Variants in FBXO22 observed in about 807,000 individuals in gnomAD.
The protein encoded by FBXO22 is F-box only protein 22.
A neutral mutation model predicts 37.2 loss-of-function variants in FBXO22; 13 were observed. The observed-to-expected ratio is 0.35, with a 90% CI of 0.23 to 0.56. FBXO22 has a LOEUF of 0.56. FBXO22 is among the 20% of genes least tolerant of loss of function. The pLI is 0.87. For synonymous variants in FBXO22, 189 were observed against 189.1 expected (o/e 1.00, Z 0.00); for missense variants, 446 against 509.9 (o/e 0.87, Z 1.21).
At chr15:75,915,762 T>A (rs186335937) in intron 4 of FBXO22, among the ~76,000 whole-genome samples, 10 of 152,054 alleles carry the variant, frequency 6.6e-5, no homozygotes, top group Non-Finnish European at 1.3e-4. Flanking sequence ...TAGCCAGGCA[T>A]GATGGCGGGC....
intron 1 of FBXO22, 77 bp downstream of exon 1, chr15:75,904,180 G>GA: frequency 6.8e-7 from 1 of 1,463,548 alleles, no homozygotes; most frequent in Non-Finnish European, 9.1e-7. Flanking sequence ...GGGGTGGGGG[G>GA]AGAGACCCTT....
At position 75,909,767 on chromosome 15, in the gene FBXO22, G is replaced by C. The variant is rs546577690; in HGVS notation, c.280-3436G>C. ...GGTAGGGTACCAGCAGTTTGGATGG[G>C]GTGATACTTTTTTTTTTTTTTAAAT... On this transcript the variant is annotated intron_variant, in intron 2 of 6. Transcript: ENST00000308275. Among the ~76,000 whole-genome samples, 230 of 106,696 alleles carry C rather than the reference G, an allele frequency of 2.2e-3. 2 individuals are homozygous for C. Among genetic ancestry groups the C allele is most frequent in the Middle Eastern group, 0.018 (4 of 224 alleles). 70.0% of individuals were successfully genotyped at this position (106,696 alleles called of 152,430 possible). A position where few individuals can be genotyped will look rare whatever the true frequency, so the allele number is the denominator to read the frequency against.
chr15:75,904,761 C>A, intron 2 of FBXO22, 132 bp downstream of exon 2: 2 of 891,824 alleles, frequency 2.2e-6, no homozygotes, highest in Non-Finnish European at 3.2e-6. Context: ...TTGTAAACAT[C>A]AGTTTTAGTG....
intron 5 of FBXO22, among the ~76,000 whole-genome samples, chr15:75,921,654 A>G (rs905119782): frequency 1.3e-5 from 2 of 152,152 alleles, no homozygotes; most frequent in African/African-American, 4.8e-5. Flanking sequence ...GCGAGACTCT[A>G]TCTCAAAAAA....
intron 2 of FBXO22, among the ~76,000 whole-genome samples, chr15:75,906,714 G>T (rs981561801): frequency 8.5e-5 from 13 of 152,094 alleles, no homozygotes; most frequent in Non-Finnish European, 1.3e-4. Context: ...CCAAAGGCAG[G>T]CTTGTAGAAA....
In FBXO22 at chr15:75,912,539, T is replaced by G. The variant is rs149131227; in HGVS notation, c.280-664T>G. Among the ~76,000 whole-genome samples the G allele has an allele frequency of 4.4e-3, 674 of 152,322 alleles. 6 individuals are homozygous for G. Among genetic ancestry groups the G allele is most frequent in the African/African-American group, 0.016 (645 of 41,576 alleles). On this transcript the variant is annotated intron_variant, in intron 2 of 6. Transcript: ENST00000308275. Reference sequence around the variant, plus strand: ...AGGAATTTATCCATTTCTTCTAGATTTTCTAGTTTATTTGCATAGAGGTGT... The same window carrying G: ...AGGAATTTATCCATTTCTTCTAGATGTTCTAGTTTATTTGCATAGAGGTGT...
At chr15:75,932,357 A>G (rs2141726683) in intron 6 of FBXO22, among the ~76,000 whole-genome samples, 1 of 152,366 alleles carries the variant, frequency 6.6e-6, no homozygotes, top group South Asian at 2.1e-4. Flanking sequence ...TAATAAAATT[A>G]TAACATTCCT....
chr15:75,930,879 A>G (rs1274668839), intron 6 of FBXO22: 1 of 976,858 alleles, frequency 1.0e-6, no homozygotes, highest in Non-Finnish European at 1.2e-6. Context: ...AGTATCTATA[A>G]GAATAATGTA....
intron 6 of FBXO22, chr15:75,930,332 C>G: frequency 7.5e-7 from 1 of 1,328,504 alleles, no homozygotes; most frequent in Non-Finnish European, 9.6e-7. Flanking sequence ...AGATGTGGTA[C>G]TCTGTGTGAC....
chr15:75,903,890 C>G lies in FBXO22; in HGVS notation c.-74C>G. On this transcript the variant is annotated 5_prime_UTR_variant, in exon 1 of 7. Transcript: ENST00000308275. ...CGGACGCCTGCTCAGTGCGCGCCGGCCGGGCAACCCTATGCTGGCGTAATC... is the reference window on the plus strand; with the variant it reads ...CGGACGCCTGCTCAGTGCGCGCCGGGCGGGCAACCCTATGCTGGCGTAATC... The G allele has an allele frequency of 7.1e-7, 1 of 1,398,610 alleles. No homozygotes were observed. Among genetic ancestry groups the G allele is most frequent in the Non-Finnish European group, 9.3e-7 (1 of 1,075,358 alleles). The allele number at this position is 1,398,610 out of a possible 1,614,324, so 86.6% of individuals were successfully genotyped here. A position where few individuals can be genotyped will look rare whatever the true frequency, so the allele number is the denominator to read the frequency against.
rs1217120413 is a variant in FBXO22 at position 75,935,478 on chromosome 15, G to C, written c.*2376G>C. 1 of 151,964 alleles carries C rather than the reference G, an allele frequency of 6.6e-6. No homozygotes were observed. The highest frequency in any genetic ancestry group is 2.4e-5 in the African/African-American group (1 of 41,350). 9.4% of individuals were successfully genotyped at this position (151,964 alleles called of 1,614,324 possible). A position where few individuals can be genotyped will look rare whatever the true frequency, so the allele number is the denominator to read the frequency against. ...CTTTCAAAGCAAAATAATTTCTGGG[G>C]CTAGTTTCCTTTGTATAAGGCTTAA... is the stretch of plus-strand genomic sequence containing the variant. On this transcript the variant is annotated 3_prime_UTR_variant, in exon 7 of 7. Coordinates refer to ENST00000308275, the MANE Select transcript of FBXO22 (RefSeq NM_147188.3).
At chr15:75,932,141 G>A (rs999862421) in intron 6 of FBXO22, among the ~76,000 whole-genome samples, 15 of 152,166 alleles carry the variant, frequency 9.9e-5, no homozygotes, top group African/African-American at 3.4e-4. Flanking sequence ...TTTATCCCAC[G>A]AGTTTGAGGC....
chr15:75,930,442 G>T (rs2029972907), intron 6 of FBXO22: 2 of 1,010,288 alleles, frequency 2.0e-6, no homozygotes, highest in East Asian at 9.1e-5. Context: ...AATATGCCCA[G>T]TGCTGTGGAA....
In FBXO22 at chr15:75,940,290, G is replaced by A. The variant is rs1383962683; in HGVS notation, c.*7188G>A. On this transcript the variant is annotated 3_prime_UTR_variant, in exon 7 of 7. Transcript: ENST00000308275. Reference sequence around the variant, plus strand: ...GCACAGAAATTAGCTTACCCAAGGTGGTAAATGGCTTGTACAATGAAAACT... The same window carrying A: ...GCACAGAAATTAGCTTACCCAAGGTAGTAAATGGCTTGTACAATGAAAACT... 1.3e-5 allele frequency: 2 copies of A among 151,932 alleles called. No individual in the cohort carries two copies. The highest frequency in any genetic ancestry group is 2.9e-5 in the Non-Finnish European group (2 of 67,916). 9.4% of individuals were successfully genotyped at this position (151,932 alleles called of 1,614,324 possible).
Position 75,935,222 on chromosome 15 carries a change from G to A in FBXO22, c.*2120G>A, listed in dbSNP as rs1160644182. 1 of 152,098 alleles carries A rather than the reference G, an allele frequency of 6.6e-6. No homozygotes were observed. Among genetic ancestry groups the A allele is most frequent in the Non-Finnish European group, 1.5e-5 (1 of 68,016 alleles). 9.4% of individuals were successfully genotyped at this position (152,098 alleles called of 1,614,324 possible). On this transcript the variant is annotated 3_prime_UTR_variant, in exon 7 of 7. Coordinates refer to ENST00000308275, the MANE Select transcript of FBXO22 (RefSeq NM_147188.3). ...TGTGTAACTCATTTATTACAATTTT[G>A]AAAGGCTTGTCTTAGAAGCATTAAA...
At position 75,935,949 on chromosome 15, in the gene FBXO22, G is replaced by A. The variant is rs373133920; in HGVS notation, c.*2847G>A. 3 of 152,000 alleles carry A rather than the reference G, an allele frequency of 2.0e-5. No individual in the cohort carries two copies. Among genetic ancestry groups the A allele is most frequent in the South Asian group, 2.1e-4 (1 of 4,820 alleles). 9.4% of individuals were successfully genotyped at this position (152,000 alleles called of 1,614,324 possible). ...ACTACAGGCGCCCGCCACCGCGCCCGGCTAATTTTTTGTATTTTTAGTAGA... is the reference window on the plus strand; with the variant it reads ...ACTACAGGCGCCCGCCACCGCGCCCAGCTAATTTTTTGTATTTTTAGTAGA... On this transcript the variant is annotated 3_prime_UTR_variant, in exon 7 of 7. Transcript: ENST00000308275.
chr15:75,912,291 G>A (rs1900075416), intron 2 of FBXO22, among the ~76,000 whole-genome samples: 1 of 152,140 alleles, frequency 6.6e-6, no homozygotes, highest in Non-Finnish European at 1.5e-5. Context: ...CATAAAATGA[G>A]TTAGGGACGA....
At chr15:75,930,222 C>T (rs755816549) in intron 6 of FBXO22, 173 bp downstream of exon 6, 56 of 1,439,226 alleles carry the variant, frequency 3.9e-5, no homozygotes, top group East Asian at 2.0e-4. Context: ...ATTCTGCTTA[C>T]GGTTGAATAA....
chr15:75,928,693 T>G (rs1011724460), intron 5 of FBXO22, among the ~76,000 whole-genome samples: 1 of 152,082 alleles, frequency 6.6e-6, no homozygotes, highest in Non-Finnish European at 1.5e-5. Context: ...GACACACGTT[T>G]GCCTGTGGAA....
Sources: gnomAD v4.1 joint callset for allele counts (sites outside exome capture counted in the v4.1 genomes callset) on GRCh38, gnomAD v4.1.1 for gene constraint, MANE v1.5 for transcripts, NCBI Gene and HGNC (gene_info 2026-07-23, HGNC 2026-07-21) for gene names.